SOX5: variants seen among roughly 807,000 people sequenced by gnomAD.
The protein encoded by SOX5 is transcription factor SOX-5.
A neutral mutation model predicts 92.0 loss-of-function variants in SOX5; 9 were observed. That is an observed-to-expected ratio of 0.10 (90% CI 0.06 to 0.17). The LOEUF (loss-of-function observed/expected upper bound fraction) is 0.17. Among genes scored for constraint, SOX5 ranks in the 10% least tolerant of loss-of-function variants. The probability of loss-of-function intolerance (pLI) is 1.00; values close to 1 mark genes in which losing one functional copy is unlikely to be tolerated. For synonymous variants in SOX5, 344 were observed against 336.3 expected, an observed-to-expected ratio of 1.02 and a Z score of -0.25; for missense variants, 642 against 944.5, an observed-to-expected ratio of 0.68 and a Z score of 4.20.
At chr12:23,807,240 C>T (rs776022011) in intron 3 of SOX5, among the ~76,000 whole-genome samples, 11 of 152,126 alleles carry the variant, frequency 7.2e-5, no homozygotes, top group Admixed American at 2.0e-4. Context: ...TGTTATGGTT[C>T]GATCTGTGTC....
intron 2 of SOX5, among the ~76,000 whole-genome samples, chr12:24,287,868 G>T (rs1039574816): frequency 1.1e-4 from 17 of 152,034 alleles, no homozygotes; most frequent in Non-Finnish European, 2.4e-4. Context: ...CAACAATGCA[G>T]CAGGAAACAG....
intron 3 of SOX5, among the ~76,000 whole-genome samples, chr12:24,272,675 A>T (rs187350794): frequency 1.7e-4 from 26 of 152,250 alleles, no homozygotes; most frequent in Non-Finnish European, 3.4e-4. Flanking sequence ...ACATATTATC[A>T]AACCTCGTAT....
chr12:23,993,084 T>C (rs1462782636), intron 4 of SOX5, among the ~76,000 whole-genome samples: 4 of 152,254 alleles, frequency 2.6e-5, no homozygotes, highest in South Asian at 2.1e-4. Context: ...TTGTACCAGA[T>C]AGAAGCAGTG....
intron 4 of SOX5, among the ~76,000 whole-genome samples, chr12:24,118,034 A>AAG (rs1948229709): frequency 1.3e-5 from 2 of 149,462 alleles, no homozygotes; most frequent in African/African-American, 5.1e-5. Context: ...AAAAAAAAAA[A>AAG]AAAAGAAAAA....
chr12:23,895,690 T>C, intron 2 of SOX5, 103 bp downstream of exon 2: 1 of 761,542 alleles, frequency 1.3e-6, no homozygotes. Context: ...GCATGGGTTC[T>C]TAAGTAGATG....
chr12:23,799,615 A>G (rs1281857243), intron 3 of SOX5, among the ~76,000 whole-genome samples: 1 of 152,084 alleles, frequency 6.6e-6, no homozygotes, highest in Non-Finnish European at 1.5e-5. Context: ...TATACTAGAA[A>G]AATTCATGTT....
intron 6 of SOX5, among the ~76,000 whole-genome samples, chr12:23,730,504 T>G (rs990934383): frequency 2.6e-5 from 4 of 152,176 alleles, no homozygotes; most frequent in African/African-American, 9.7e-5. Context: ...AACTGATTTA[T>G]GATATTGCAA....
intron 4 of SOX5, among the ~76,000 whole-genome samples, chr12:24,110,997 C>T (rs535988365): frequency 1.3e-5 from 2 of 151,224 alleles, no homozygotes; most frequent in African/African-American, 4.9e-5. Flanking sequence ...GATTTCTCGA[C>T]CCTTGGCATT....
chr12:24,018,261 C>G (rs772380381), intron 4 of SOX5, among the ~76,000 whole-genome samples: 35 of 152,140 alleles, frequency 2.3e-4, no homozygotes, highest in Admixed American at 1.6e-3. Flanking sequence ...TTCTCCCTTG[C>G]AGTTTGTTGC....
At chr12:24,529,833 C>G (rs1413912939) in intron 1 of SOX5, among the ~76,000 whole-genome samples, 2 of 152,142 alleles carry the variant, frequency 1.3e-5, no homozygotes, top group Non-Finnish European at 2.9e-5. Flanking sequence ...TCCTTACTAA[C>G]ATGGTGAAAC....
intron 4 of SOX5, among the ~76,000 whole-genome samples, chr12:23,999,792 A>AT (rs1194904082): frequency 2.6e-5 from 4 of 151,748 alleles, no homozygotes; most frequent in African/African-American, 4.8e-5. Context: ...CCTTCAAAAA[A>AT]TGAAGGAGAA....
chr12:24,108,202 T>A (rs1367112932), intron 4 of SOX5, among the ~76,000 whole-genome samples: 1 of 152,212 alleles, frequency 6.6e-6, no homozygotes, highest in Non-Finnish European at 1.5e-5. Context: ...TCCACCCTAA[T>A]TGTCGAATAA....
intron 4 of SOX5, among the ~76,000 whole-genome samples, chr12:24,070,222 C>T (rs1941541568): frequency 6.6e-6 from 1 of 152,278 alleles, no homozygotes; most frequent in South Asian, 2.1e-4. Context: ...CCCTTCCGCT[C>T]CCTCCCCCTC....
At chr12:24,495,660 T>C (rs1330849604) in intron 1 of SOX5, among the ~76,000 whole-genome samples, 1 of 152,222 alleles carries the variant, frequency 6.6e-6, no homozygotes, top group Non-Finnish European at 1.5e-5. Flanking sequence ...TTCAAGGGTC[T>C]GATTAAAGAA....
intron 2 of SOX5, among the ~76,000 whole-genome samples, chr12:24,360,271 G>A (rs1696316090): frequency 6.6e-6 from 1 of 152,188 alleles, no homozygotes; most frequent in Non-Finnish European, 1.5e-5. Context: ...TTCAGGCAGA[G>A]AAAAATATCT....
chr12:23,993,809 A>G (rs926299010), intron 4 of SOX5, among the ~76,000 whole-genome samples: 3 of 152,152 alleles, frequency 2.0e-5, no homozygotes, highest in South Asian at 2.1e-4. Flanking sequence ...GGATCACTTG[A>G]GTCCAGGAAT....
chr12:24,542,362 T>G (rs111414503), intron 1 of SOX5, among the ~76,000 whole-genome samples: 9 of 152,366 alleles, frequency 5.9e-5, no homozygotes, highest in Non-Finnish European at 1.3e-4. Flanking sequence ...TTCTGGGACT[T>G]TCAGAATAAA....
chr12:24,369,158 A>G (rs1298249861), intron 1 of SOX5, among the ~76,000 whole-genome samples: 4 of 152,140 alleles, frequency 2.6e-5, no homozygotes, highest in Non-Finnish European at 5.9e-5. Context: ...TCATTGATGG[A>G]GTGAAGAATT....
At chr12:24,018,861 C>G (rs1243212400) in intron 4 of SOX5, among the ~76,000 whole-genome samples, 1 of 152,140 alleles carries the variant, frequency 6.6e-6, no homozygotes, top group African/African-American at 2.4e-5. Flanking sequence ...TTCCCTGACT[C>G]CCAGTTCAGT....
Sources: gnomAD v4.1 joint callset for allele counts (sites outside exome capture counted in the v4.1 genomes callset) on GRCh38, gnomAD v4.1.1 for gene constraint, MANE v1.5 for transcripts, NCBI Gene and HGNC (gene_info 2026-07-23, HGNC 2026-07-21) for gene names.